The following GRM4 variants were observed in gnomAD, a reference collection of about 807,000 sequenced individuals.
GRM4 encodes the protein glutamate metabotropic receptor 4.
In GRM4, 28 loss-of-function variants were observed where a neutral mutation model predicts 81.7. The observed-to-expected ratio is 0.34, with a 90% CI of 0.25 to 0.47. The LOEUF (loss-of-function observed/expected upper bound fraction) is 0.47. Ranked by LOEUF, GRM4 falls within the 20% of genes least tolerant of loss-of-function variation. GRM4 has a pLI of 1.00. For synonymous variants in GRM4, 488 were observed against 528.8 expected, an observed-to-expected ratio of 0.92 and a Z score of 1.06; for missense variants, 948 against 1,290.0, an observed-to-expected ratio of 0.73 and a Z score of 4.06.
intron 3 of GRM4, among the ~76,000 whole-genome samples, chr6:34,063,918 G>A (rs893425705): frequency 6.6e-6 from 1 of 152,194 alleles, no homozygotes; most frequent in African/African-American, 2.4e-5. Context: ...CTCCAGGAGC[G>A]GGAAGGAAGG....
Position 34,048,151 on chromosome 6 carries a change from G to A in GRM4, c.1169-7403C>T, listed in dbSNP as rs967473123. Among the ~76,000 whole-genome samples, 3 of 152,176 alleles carry A rather than the reference G, an allele frequency of 2.0e-5. No homozygotes were observed. The highest frequency in any genetic ancestry group is 7.2e-5 in the African/African-American group (3 of 41,428). On this transcript the variant is annotated intron_variant, in intron 6 of 10. Coordinates refer to ENST00000538487, the MANE Select transcript of GRM4 (RefSeq NM_000841.4). The surrounding 1 kb of genome is among the most constrained non-coding windows in gnomAD (Gnocchi z 4.0). ...TCCCTGCGAATCTGGCCTCAAGAATGTGTCCTCAGATGTCCACAGACCTAG... is the reference window on the plus strand; with the variant it reads ...TCCCTGCGAATCTGGCCTCAAGAATATGTCCTCAGATGTCCACAGACCTAG...
chr6:34,105,684 T>C (rs1769089361), intron 2 of GRM4, among the ~76,000 whole-genome samples: 1 of 152,136 alleles, frequency 6.6e-6, no homozygotes, highest in South Asian at 2.1e-4. Flanking sequence ...AGACACAGCA[T>C]GCACCCCTGA....
At chr6:34,101,619 T>C (rs1290686189) in intron 2 of GRM4, among the ~76,000 whole-genome samples, 3 of 152,184 alleles carry the variant, frequency 2.0e-5, no homozygotes, top group East Asian at 3.9e-4. Context: ...CTGCTTCCTC[T>C]CCTTGCTGAG....
rs1487641216 is a variant in GRM4 at position 34,047,012 on chromosome 6, G to T, written c.1169-6264C>A. Among the ~76,000 whole-genome samples the T allele has an allele frequency of 6.6e-6, 1 of 152,098 alleles. No homozygotes were observed. Among genetic ancestry groups the T allele is most frequent in the South Asian group, 2.1e-4 (1 of 4,824 alleles). On this transcript the variant is annotated intron_variant, in intron 6 of 10. Transcript: ENST00000538487. This position sits in a 1 kb window ranked among gnomAD's most constrained non-coding sequence, Gnocchi z 4.5. ...CAAACACACATGGCTCTGACTCTTG[G>T]CTGGGCCATGGCCCAGCTATACACT...
At chr6:34,122,679 C>A (rs1769860006) in intron 2 of GRM4, among the ~76,000 whole-genome samples, 1 of 152,124 alleles carries the variant, frequency 6.6e-6, no homozygotes, top group African/African-American at 2.4e-5. Flanking sequence ...CGGGCACCAT[C>A]CTGTTCCTCA....
chr6:34,034,373 A>G lies in GRM4; in HGVS notation c.2442+1295T>C, dbSNP rs1018811568. On this transcript the variant is annotated intron_variant, in intron 9 of 10. Transcript: ENST00000538487. The surrounding 1 kb of genome is among the most constrained non-coding windows in gnomAD (Gnocchi z 4.0). ...TTGGAAACCTGACCAGCCAGTCTCC[A>G]GACAGGCCCAGACTCCCCCACTCCC... 6.6e-6 allele frequency among the ~76,000 whole-genome samples: 1 copy of G among 152,162 alleles called. No homozygotes were observed. The highest frequency in any genetic ancestry group is 2.4e-5 in the African/African-American group (1 of 41,418).
rs1051772585 is a variant in GRM4 at position 34,047,998 on chromosome 6, A to T, written c.1169-7250T>A. On this transcript the variant is annotated intron_variant, in intron 6 of 10. Coordinates refer to ENST00000538487, the MANE Select transcript of GRM4 (RefSeq NM_000841.4). This position sits in a 1 kb window ranked among gnomAD's most constrained non-coding sequence, Gnocchi z 4.5. ...GAGAGAAGCTGAGAGCTTGGCTATGACAGTGAAGCCCAACTGTAAATGACC... is the reference window on the plus strand; with the variant it reads ...GAGAGAAGCTGAGAGCTTGGCTATGTCAGTGAAGCCCAACTGTAAATGACC... 6.6e-6 allele frequency among the ~76,000 whole-genome samples: 1 copy of T among 152,212 alleles called. No individual in the cohort carries two copies. The highest frequency in any genetic ancestry group is 2.4e-5 in the African/African-American group (1 of 41,456).
chr6:34,151,648 C>T (rs1165711115), intron 1 of GRM4, among the ~76,000 whole-genome samples: 1 of 152,150 alleles, frequency 6.6e-6, no homozygotes, highest in African/African-American at 2.4e-5. Context: ...GGAGGCGGTG[C>T]CCTGGGAGGC....
rs1764612298 is a variant in GRM4 at position 34,034,909 on chromosome 6, C to G, written c.2442+759G>C. On this transcript the variant is annotated intron_variant, in intron 9 of 10. Coordinates refer to ENST00000538487, the MANE Select transcript of GRM4 (RefSeq NM_000841.4). This position sits in a 1 kb window ranked among gnomAD's most constrained non-coding sequence, Gnocchi z 4.0. ...CCAGCACCAGGACTGGGATGTGGGCCGAGCATACAGGTCTCTTGGGGTGTG... is the reference window on the plus strand; with the variant it reads ...CCAGCACCAGGACTGGGATGTGGGCGGAGCATACAGGTCTCTTGGGGTGTG... Among the ~76,000 whole-genome samples, 2 of 152,088 alleles carry G rather than the reference C, an allele frequency of 1.3e-5. No individual in the cohort carries two copies. Among genetic ancestry groups the G allele is most frequent in the African/African-American group, 4.8e-5 (2 of 41,370 alleles).
In GRM4 at chr6:34,035,537, AGAAAGAAGGCAGAATGAGGCAT is replaced by A. The variant is rs369931596; in HGVS notation, c.2442+109_2442+130del. The A allele has an allele frequency of 0.014, 8,213 of 587,192 alleles. 132 individuals carry two copies. Among genetic ancestry groups the A allele is most frequent in the African/African-American group, 0.048 (2,425 of 50,640 alleles). 36.4% of individuals were successfully genotyped at this position (587,192 alleles called of 1,614,324 possible). On this transcript the variant is annotated intron_variant, in intron 9 of 10. Transcript: ENST00000538487. This position sits in a 1 kb window ranked among gnomAD's most constrained non-coding sequence, Gnocchi z 6.6. ...GCATGAAAGAAGGCAGAATGAGGCA[AGAAAGAAGGCAGAATGAGGCAT>A]GAAAGAAGGCATTTCTGGAGCAGGG...
chr6:34,146,056 G>T lies in GRM4; in HGVS notation c.-420C>A. The T allele has an allele frequency of 1.0e-6, 1 of 984,850 alleles. No homozygotes were observed. The highest frequency in any genetic ancestry group is 1.2e-6 in the Non-Finnish European group (1 of 829,446). 61.0% of individuals were successfully genotyped at this position (984,850 alleles called of 1,614,324 possible). A position where few individuals can be genotyped will look rare whatever the true frequency, so the allele number is the denominator to read the frequency against. On this transcript the variant is annotated 5_prime_UTR_variant, in exon 1 of 11. Transcript: ENST00000538487. ...CCAGAGGGGGAGGGTCAGGAACATA[G>T]CCTCCCTAACACACACCCAGAAAAG...
intron 3 of GRM4, 167 bp from the exon 4 acceptor site, chr6:34,062,195 C>T: frequency 1.6e-6 from 1 of 617,040 alleles, no homozygotes; most frequent in Non-Finnish European, 2.7e-6. Flanking sequence ...GCAGTCAGGA[C>T]AGCTTCAGTG....
At chr6:34,072,251 A>G (rs1766947054) in intron 3 of GRM4, among the ~76,000 whole-genome samples, 1 of 105,052 alleles carries the variant, frequency 9.5e-6, no homozygotes, top group Non-Finnish European at 2.0e-5. Context: ...TCACACAGAT[A>G]CACAGCACAC....
intron 1 of GRM4, among the ~76,000 whole-genome samples, chr6:34,137,750 ATTTT>A (rs5875495): frequency 1.9e-5 from 2 of 103,724 alleles, no homozygotes. Context: ...TGCCCACATA[ATTTT>A]TTTTTTTTTT....
intron 1 of GRM4, among the ~76,000 whole-genome samples, chr6:34,140,203 G>C (rs1189205128): frequency 6.6e-6 from 1 of 152,184 alleles, no homozygotes; most frequent in Non-Finnish European, 1.5e-5. Flanking sequence ...TGAACATCTG[G>C]GAGAAGAGGA....
At chr6:34,099,013 C>G (rs1768691348) in intron 2 of GRM4, among the ~76,000 whole-genome samples, 1 of 152,188 alleles carries the variant, frequency 6.6e-6, no homozygotes, top group Non-Finnish European at 1.5e-5. Context: ...CCTGAGCACC[C>G]CTCTGGCCAG....
At position 34,075,461 on chromosome 6, in the gene GRM4, C is replaced by G. The variant is rs1561794811; in HGVS notation, c.737-13433G>C. Among the ~76,000 whole-genome samples the G allele has an allele frequency of 3.3e-5, 5 of 152,326 alleles. No individual in the cohort carries two copies. In the South Asian group the frequency reaches 8.3e-4, roughly 25 times the overall value. On this transcript the variant is annotated intron_variant, in intron 3 of 10. Transcript: ENST00000538487. Reference sequence around the variant, plus strand: ...TCTATCTGCCCAACCCCATCCAGCCCTAGGGCCCCACTTCTCTGCCTCTTC... The same window carrying G: ...TCTATCTGCCCAACCCCATCCAGCCGTAGGGCCCCACTTCTCTGCCTCTTC...
chr6:34,155,044 G>C (rs116464093), intron 1 of GRM4: 26,330 of 1,452,778 alleles, frequency 0.018, 1,334 homozygotes, highest in African/African-American at 0.18. Flanking sequence ...TCCCACGCCC[G>C]GGGACACGCC....
In GRM4 at chr6:34,121,110, A is replaced by C. The variant is rs1013089449; in HGVS notation, c.519+11868T>G. On this transcript the variant is annotated intron_variant, in intron 2 of 10. Transcript: ENST00000538487. This position sits in a 1 kb window ranked among gnomAD's most constrained non-coding sequence, Gnocchi z 4.6. Reference sequence around the variant, plus strand: ...TGCCACTCATTTTCAATAAAGTAAAAGGCGGCGTGGTGAGAGCTGCACACA... The same window carrying C: ...TGCCACTCATTTTCAATAAAGTAAACGGCGGCGTGGTGAGAGCTGCACACA... Among the ~76,000 whole-genome samples, 2 of 152,066 alleles carry C rather than the reference A, an allele frequency of 1.3e-5. No individual in the cohort carries two copies. The highest frequency in any genetic ancestry group is 2.9e-5 in the Non-Finnish European group (2 of 67,990).
Sources: allele counts gnomAD v4.1 joint callset (sites outside exome capture counted in the v4.1 genomes callset), GRCh38; gene constraint gnomAD v4.1.1; non-coding constraint Gnocchi (gnomAD v3.1); transcripts MANE v1.5; gene names NCBI Gene and HGNC (gene_info 2026-07-23, HGNC 2026-07-21).